The following PCDH19 variants were observed in gnomAD, a reference collection of about 807,000 sequenced individuals.
PCDH19 encodes protocadherin-19.
PCDH19 carries 6 observed loss-of-function variants against 46.2 expected under a neutral mutation model. That is an observed-to-expected ratio of 0.13 (90% CI 0.07 to 0.26). PCDH19 has a LOEUF of 0.26. PCDH19 is among the 10% of genes least tolerant of loss of function. The probability of loss-of-function intolerance (pLI) is 1.00; values close to 1 mark genes in which losing one functional copy is unlikely to be tolerated. For missense variants in PCDH19, 740 were observed against 972.3 expected (o/e 0.76, Z 3.18); for synonymous variants, 481 against 415.7 (o/e 1.16, Z -1.91).
At position 100,296,858 on chromosome X, in the gene PCDH19, G is replaced by A; in HGVS notation, c.2866C>T (p.His956Tyr). 8.3e-7 allele frequency: 1 copy of A among 1,206,782 alleles called. No individual in the cohort carries two copies. The highest frequency in any genetic ancestry group is 1.1e-6 in the Non-Finnish European group (1 of 891,135). The change falls in exon 6 of 6, where the codon CAT becomes TAT. Residue 956 changes from histidine to tyrosine, a missense_variant. Physicochemically the swap from His to Tyr is moderately conservative, Grantham distance 83. Around this residue, in one of 5 missense-constraint regions of PCDH19, gnomAD observed 416 missense variants for 476.8 expected, o/e 0.87. Transcript: ENST00000373034. ...AGAATCCGGCATTCTTCCCGGCAAT[G>A]AAATCCTTCATTCTGATCTGTTTGG... ...MPDHDQNEGF[H>Y]CREECRILGH...
chrX:100,312,940 T>C (rs530465145), intron 5 of PCDH19, among the ~76,000 whole-genome samples: 1 of 111,046 alleles, frequency 9.0e-6, no homozygotes, highest in East Asian at 2.9e-4. Flanking sequence ...GACACAGCTC[T>C]GTAAAAATCT....
intron 3 of PCDH19, among the ~76,000 whole-genome samples, chrX:100,367,385 T>C (rs1351697040): frequency 6.3e-5 from 7 of 111,918 alleles, no homozygotes; most frequent in Non-Finnish European, 1.9e-5. Context: ...CTCAGTCTAT[T>C]TGTGCTACTA....
At chrX:100,327,284 A>C (rs941832866) in intron 5 of PCDH19, among the ~76,000 whole-genome samples, 1 of 112,264 alleles carries the variant, frequency 8.9e-6, no homozygotes, top group Non-Finnish European at 1.9e-5. Context: ...AATTTCTATC[A>C]TTACTCCCAT....
intron 5 of PCDH19, among the ~76,000 whole-genome samples, chrX:100,340,312 C>CA (rs1274068417): frequency 1.8e-5 from 2 of 111,573 alleles, no homozygotes; most frequent in African/African-American, 3.3e-5. Context: ...AGAAATGTGA[C>CA]AAAAAAATAA....
chrX:100,332,912 G>C (rs1251246980), intron 5 of PCDH19, among the ~76,000 whole-genome samples: 1 of 108,284 alleles, frequency 9.2e-6, no homozygotes, highest in African/African-American at 3.4e-5. Context: ...TAAGGTGGGA[G>C]GGTCGCCTGA....
At chrX:100,324,848 CAT>C (rs769048500) in intron 5 of PCDH19, among the ~76,000 whole-genome samples, 63 of 111,446 alleles carry the variant, frequency 5.7e-4, no homozygotes, top group Middle Eastern at 4.6e-3. Flanking sequence ...AAGTGTTTTA[CAT>C]GTGTCATCTC....
At chrX:100,357,255 T>C (rs987275302) in intron 3 of PCDH19, among the ~76,000 whole-genome samples, 6 of 111,948 alleles carry the variant, frequency 5.4e-5, no homozygotes, top group Non-Finnish European at 7.5e-5. Context: ...ACTGCTACTT[T>C]GTAGAACTAA....
chrX:100,336,096 G>C (rs1411500046), intron 5 of PCDH19, among the ~76,000 whole-genome samples: 1 of 112,192 alleles, frequency 8.9e-6, no homozygotes, highest in Non-Finnish European at 1.9e-5. Flanking sequence ...GACAGCAAAT[G>C]CTATTCTGAT....
intron 5 of PCDH19, among the ~76,000 whole-genome samples, chrX:100,336,715 A>G (rs141384854): frequency 3.6e-5 from 4 of 112,102 alleles, no homozygotes; most frequent in East Asian, 5.6e-4. Context: ...ATGGAGGGAA[A>G]CCAATTCAGT....
intron 3 of PCDH19, among the ~76,000 whole-genome samples, chrX:100,367,624 T>A (rs961160170): frequency 1.8e-5 from 2 of 111,547 alleles, no homozygotes; most frequent in Non-Finnish European, 3.8e-5. Flanking sequence ...GTTGGTTCCC[T>A]GGAGCCATTT....
At chrX:100,362,648 AT>A (rs1926923702) in intron 3 of PCDH19, among the ~76,000 whole-genome samples, 1 of 108,287 alleles carries the variant, frequency 9.2e-6, no homozygotes, top group Non-Finnish European at 1.9e-5. Flanking sequence ...AAAAAAAAAA[AT>A]TAGCCGGGCG....
At chrX:100,333,193 G>C (rs1569294793) in intron 5 of PCDH19, among the ~76,000 whole-genome samples, 3 of 60,090 alleles carry the variant, frequency 5.0e-5, no homozygotes, top group African/African-American at 1.9e-4. Context: ...GAGAAAGAAA[G>C]AAAGAAAGAA....
chrX:100,398,927 A>T (rs1928101200), intron 3 of PCDH19, among the ~76,000 whole-genome samples: 1 of 112,015 alleles, frequency 8.9e-6, no homozygotes, highest in African/African-American at 3.2e-5. Context: ...TTTTGTCCCA[A>T]CCTGGAGAGT....
rs375382056 is a variant in PCDH19 at position 100,407,005 on chromosome X, G to A, written c.1593C>T (p.Phe531=). The A allele has an allele frequency of 8.3e-7, 1 of 1,211,871 alleles. No homozygotes were observed. The highest frequency in any genetic ancestry group is 1.1e-6 in the Non-Finnish European group (1 of 895,560). The change falls in exon 1 of 6, where the codon TTC becomes TTT. Residue 531 remains phenylalanine, a synonymous_variant. Coordinates refer to ENST00000373034, the MANE Select transcript of PCDH19 (RefSeq NM_001184880.2). ...FNHEQTKAFE[F]KVLAKDGGLP... ...GGCCGCCGTCCTTGGCCAGCACCTTGAATTCGAACGCCTTGGTCTGCTCGT... is the reference window on the plus strand; with the variant it reads ...GGCCGCCGTCCTTGGCCAGCACCTTAAATTCGAACGCCTTGGTCTGCTCGT...
chrX:100,379,347 A>C (rs367684163), intron 3 of PCDH19, among the ~76,000 whole-genome samples: 1 of 65,276 alleles, frequency 1.5e-5, no homozygotes, highest in Admixed American at 1.7e-4. Context: ...ACACACACAC[A>C]CATTTCCTCC....
At chrX:100,393,312 G>T (rs771778500) in intron 3 of PCDH19, among the ~76,000 whole-genome samples, 34 of 110,774 alleles carry the variant, frequency 3.1e-4, no homozygotes, top group Middle Eastern at 4.7e-3. Context: ...CAAAGAGTTG[G>T]GAAGGGGGCT....
At position 100,408,372 on chromosome X, in the gene PCDH19, G is replaced by A. The variant is rs1433970971; in HGVS notation, c.226C>T (p.Pro76Ser). Residue 76 changes from proline (P) to serine (S), a missense_variant, in exon 1 of 6, where the codon CCC (proline) becomes TCC (serine). This residue lies in a region of PCDH19 where 81 missense variants were observed against 96.5 expected (regional missense o/e 0.84). Coordinates refer to ENST00000373034, the MANE Select transcript of PCDH19 (RefSeq NM_001184880.2). ...TTGGTGACCAGCAGGCCAGAGCTGG[G>A]ATTGATGTCCACTAGGTGTGGAGCC... is the stretch of plus-strand genomic sequence containing the variant. ...NSAPHLVDIN[P>S]SSGLLVTKQK... 19 of 1,207,830 alleles carry A rather than the reference G, an allele frequency of 1.6e-5. No homozygotes were observed. The highest frequency in any genetic ancestry group is 2.1e-5 in the Non-Finnish European group (19 of 894,616).
At chrX:100,304,384 C>T (rs1011315623) in intron 5 of PCDH19, among the ~76,000 whole-genome samples, 4 of 111,509 alleles carry the variant, frequency 3.6e-5, no homozygotes, top group African/African-American at 1.3e-4. Flanking sequence ...AACACCACAT[C>T]AAGGGAGCAC....
chrX:100,387,352 A>G (rs774801196), intron 3 of PCDH19, among the ~76,000 whole-genome samples: 34 of 112,050 alleles, frequency 3.0e-4, no homozygotes, highest in Non-Finnish European at 4.5e-4. Context: ...GGTTGAATTT[A>G]AAATTTTTAG....
Sources: gnomAD v4.1 joint callset for allele counts (sites outside exome capture counted in the v4.1 genomes callset) on GRCh38, gnomAD v4.1.1 for gene constraint, gnomAD v4.1.1 regional missense constraint, MANE v1.5 for transcripts, NCBI Gene and HGNC (gene_info 2026-07-23, HGNC 2026-07-21) for gene names.